Variants in PLEK observed in about 807,000 individuals in gnomAD.
PLEK encodes the protein pleckstrin.
A neutral mutation model predicts 43.9 loss-of-function variants in PLEK; 25 were observed. That is an observed-to-expected ratio of 0.57 (90% CI 0.41 to 0.79). PLEK has a LOEUF of 0.79. Among genes scored for constraint, PLEK ranks in the 30% least tolerant of loss-of-function variants. The probability of loss-of-function intolerance (pLI) is 0.00; values close to 1 mark genes in which losing one functional copy is unlikely to be tolerated. For synonymous variants in PLEK, 152 were observed against 144.4 expected (o/e 1.05, Z -0.38); for missense variants, 396 against 413.3 (o/e 0.96, Z 0.36).
intron 5 of PLEK, 114 bp downstream of exon 5, chr2:68,386,800 G>A: frequency 1.3e-6 from 1 of 755,696 alleles, no homozygotes; most frequent in Non-Finnish European, 2.2e-6. Context: ...GGGTAGGGAG[G>A]TCAGCCAGGA....
At chr2:68,368,314 C>T (rs1369620463) in intron 1 of PLEK, among the ~76,000 whole-genome samples, 2 of 152,202 alleles carry the variant, frequency 1.3e-5, no homozygotes, top group Admixed American at 6.5e-5. Flanking sequence ...AGCTGCTATA[C>T]GAACATGACT....
At chr2:68,375,289 A>G (rs1047209582) in intron 1 of PLEK, among the ~76,000 whole-genome samples, 12 of 152,186 alleles carry the variant, frequency 7.9e-5, no homozygotes, top group African/African-American at 2.7e-4. Context: ...CTGATAAATA[A>G]TGATGTTGAA....
chr2:68,379,630 G>T (rs1398295726), intron 1 of PLEK, among the ~76,000 whole-genome samples: 2 of 152,106 alleles, frequency 1.3e-5, no homozygotes, highest in Non-Finnish European at 2.9e-5. Context: ...GGTCCTTTGT[G>T]GTTCTTAATG....
In PLEK at chr2:68,396,820, GC is replaced by G. The variant is rs920053821; in HGVS notation, c.*1006del. The G allele has an allele frequency of 1.1e-4, 17 of 152,392 alleles. No homozygotes were observed. Among genetic ancestry groups the G allele is most frequent in the Admixed American group, 9.1e-4 (14 of 15,312 alleles). The allele number at this position is 152,392 out of a possible 1,614,324, so 9.4% of individuals were successfully genotyped here. Reference sequence around the variant, plus strand: ...AGCAAGTGGAGGGGCTGAACTACTGGCCAGCTCACTGGATGATGGGTTAATA... The same window carrying G: ...AGCAAGTGGAGGGGCTGAACTACTGGCAGCTCACTGGATGATGGGTTAATA... On this transcript the variant is annotated 3_prime_UTR_variant, in exon 9 of 9. Transcript: ENST00000234313.
At chr2:68,386,293 G>T (rs1673740017) in intron 4 of PLEK, among the ~76,000 whole-genome samples, 1 of 152,022 alleles carries the variant, frequency 6.6e-6, no homozygotes, top group African/African-American at 2.4e-5. Flanking sequence ...GCATGTAGAT[G>T]TTCTTAAAAA....
At chr2:68,371,183 T>A (rs1343672545) in intron 1 of PLEK, among the ~76,000 whole-genome samples, 1 of 152,184 alleles carries the variant, frequency 6.6e-6, no homozygotes, top group East Asian at 1.9e-4. Context: ...ATTCATCTGT[T>A]AACAAGCATG....
At chr2:68,379,630 G>C (rs1398295726) in intron 1 of PLEK, among the ~76,000 whole-genome samples, 1 of 152,106 alleles carries the variant, frequency 6.6e-6, no homozygotes, top group Non-Finnish European at 1.5e-5. Flanking sequence ...GGTCCTTTGT[G>C]GTTCTTAATG....
intron 1 of PLEK, among the ~76,000 whole-genome samples, chr2:68,369,599 T>C (rs1420578609): frequency 6.6e-6 from 1 of 151,978 alleles, no homozygotes; most frequent in Non-Finnish European, 1.5e-5. Context: ...TACCTGTTTC[T>C]ATGGTCGCCA....
At chr2:68,379,256 T>G (rs998335899) in intron 1 of PLEK, among the ~76,000 whole-genome samples, 1 of 152,194 alleles carries the variant, frequency 6.6e-6, no homozygotes, top group Non-Finnish European at 1.5e-5. Context: ...TGAAGGCAGA[T>G]TTGGGGTAAA....
In PLEK at chr2:68,379,279, T is replaced by G. The variant is rs1673564558; in HGVS notation, c.43-1049T>G. 5.9e-5 allele frequency among the ~76,000 whole-genome samples: 9 copies of G among 152,266 alleles called. No homozygotes were observed. The South Asian group carries it at 1.9e-3, about 32-fold the overall frequency. ...GATTTGGGGTAAAACCAGCTTTTAT[T>G]TATATGTGTCTTCAGTGAGTCAGAT... On this transcript the variant is annotated intron_variant, in intron 1 of 8. Transcript: ENST00000234313.
At chr2:68,395,176 T>A (rs1393775613) in intron 8 of PLEK, among the ~76,000 whole-genome samples, 1 of 151,220 alleles carries the variant, frequency 6.6e-6, no homozygotes, top group Non-Finnish European at 1.5e-5. Flanking sequence ...TGTATGTATA[T>A]AAACATATAT....
At chr2:68,378,364 G>T (rs979432140) in intron 1 of PLEK, among the ~76,000 whole-genome samples, 4 of 152,166 alleles carry the variant, frequency 2.6e-5, no homozygotes, top group Admixed American at 2.6e-4. Context: ...TGGATGACAT[G>T]TCATACAATA....
At position 68,380,756 on chromosome 2, in the gene PLEK, G is replaced by A; in HGVS notation, c.232G>A (p.Asp78Asn). The A allele has an allele frequency of 5.0e-6, 8 of 1,614,014 alleles. No homozygotes were observed. Among genetic ancestry groups the A allele is most frequent in the African/African-American group, 1.3e-5 (1 of 75,034 alleles). Reference sequence around the variant, plus strand: ...TAAGATCACTACGACCAAACAGCAGGACCACTTCTTCCAGGCAGCCTTCCT... The same window carrying A: ...TAAGATCACTACGACCAAACAGCAGAACCACTTCTTCCAGGCAGCCTTCCT... Reference protein sequence around the residue: ...VFKITTTKQQDHFFQAAFLEE... With the variant: ...VFKITTTKQQNHFFQAAFLEE... Residue 78 changes from aspartate to asparagine, a missense_variant, in exon 3 of 9, where the codon GAC (aspartate) becomes AAC (asparagine). Asp to Asn is a conservative substitution (Grantham distance 23). Coordinates refer to ENST00000234313, the MANE Select transcript of PLEK (RefSeq NM_002664.3).
rs934189402 is a variant in PLEK at position 68,396,032 on chromosome 2, A to G, written c.*216A>G. The G allele has an allele frequency of 3.1e-5, 16 of 511,278 alleles. No homozygotes were observed. The highest frequency in any genetic ancestry group is 2.3e-4 in the African/African-American group (12 of 52,502). The allele number at this position is 511,278 out of a possible 1,614,324, so 31.7% of individuals were successfully genotyped here. On this transcript the variant is annotated 3_prime_UTR_variant, in exon 9 of 9. Transcript: ENST00000234313. Reference sequence around the variant, plus strand: ...CCCTCTGCCCCTATCCATGACCCCCAAGCAGATATAACAAGCTGTGCAGCC... The same window carrying G: ...CCCTCTGCCCCTATCCATGACCCCCGAGCAGATATAACAAGCTGTGCAGCC...
At chr2:68,372,974 A>T (rs1364803111) in intron 1 of PLEK, among the ~76,000 whole-genome samples, 1 of 151,366 alleles carries the variant, frequency 6.6e-6, no homozygotes, top group Non-Finnish European at 1.5e-5. Flanking sequence ...GTGGTAGGCC[A>T]ATCACTTAAC....
intron 1 of PLEK, among the ~76,000 whole-genome samples, chr2:68,379,571 T>G (rs1197264298): frequency 2.0e-5 from 3 of 152,150 alleles, no homozygotes; most frequent in Admixed American, 6.5e-5. Flanking sequence ...AAGCAAGATC[T>G]GCCGGCAGTT....
chr2:68,389,457 C>A lies in PLEK; in HGVS notation c.762+966C>A, dbSNP rs575533418. On this transcript the variant is annotated intron_variant, in intron 6 of 8. Transcript: ENST00000234313. ...GATCTGATTTATTTCATGTTAGGAC[C>A]CTGAATGTCCATCTTAGTGATTAAT... Among the ~76,000 whole-genome samples, 7 of 152,100 alleles carry A rather than the reference C, an allele frequency of 4.6e-5. 1 individual carries two copies. The South Asian group carries it at 1.5e-3, about 32-fold the overall frequency.
chr2:68,380,587 C>A, intron 2 of PLEK, 104 bp downstream of exon 2: 1 of 1,387,280 alleles, frequency 7.2e-7, no homozygotes. Context: ...TGGTCCCTCT[C>A]ACCACCACCC....
intron 1 of PLEK, among the ~76,000 whole-genome samples, chr2:68,369,610 T>C (rs1240607010): frequency 6.6e-6 from 1 of 152,022 alleles, no homozygotes; most frequent in African/African-American, 2.4e-5. Context: ...ATGGTCGCCA[T>C]TTTTCAAATG....
Sources: gnomAD v4.1 joint callset for allele counts (sites outside exome capture counted in the v4.1 genomes callset) on GRCh38, gnomAD v4.1.1 for gene constraint, MANE v1.5 for transcripts, NCBI Gene and HGNC (gene_info 2026-07-23, HGNC 2026-07-21) for gene names.